C3orf52: variants seen among roughly 807,000 people sequenced by gnomAD.
C3orf52 encodes chromosome 3 open reading frame 52.
Under a neutral mutation model 24.8 loss-of-function variants are expected in C3orf52, and 22 were observed. The observed-to-expected ratio is 0.89, with a 90% CI of 0.63 to 1.27. C3orf52 has a LOEUF of 1.27. Ranked by LOEUF, C3orf52 falls within the 50% of genes most tolerant of loss-of-function variation. C3orf52 has a pLI of 0.00. For missense variants in C3orf52, 265 were observed against 260.7 expected, an observed-to-expected ratio of 1.02 and a Z score of -0.11; for synonymous variants, 93 against 100.2, an observed-to-expected ratio of 0.93 and a Z score of 0.43.
intron 4 of C3orf52, among the ~76,000 whole-genome samples, chr3:112,110,578 C>G (rs1393097510): frequency 6.6e-6 from 1 of 152,150 alleles, no homozygotes; most frequent in Non-Finnish European, 1.5e-5. Flanking sequence ...TAAATTTCCT[C>G]CTCATCTTTA....
chr3:112,127,568 T>A (rs569126199), intron 4 of C3orf52, among the ~76,000 whole-genome samples: 2 of 152,368 alleles, frequency 1.3e-5, no homozygotes, highest in South Asian at 4.1e-4. Flanking sequence ...CTGGTTTGCC[T>A]CAGTCTGGTG....
chr3:112,107,832 T>C (rs1280234378), intron 3 of C3orf52, among the ~76,000 whole-genome samples: 1 of 152,150 alleles, frequency 6.6e-6, no homozygotes, highest in Admixed American at 6.5e-5. Flanking sequence ...TTTTGTTCTC[T>C]TTGAGATATG....
At chr3:112,091,551 C>T (rs763055621) in intron 1 of C3orf52, among the ~76,000 whole-genome samples, 16 of 152,172 alleles carry the variant, frequency 1.1e-4, no homozygotes, top group Non-Finnish European at 2.4e-4. Flanking sequence ...ACAATCTGGT[C>T]CACTAGGTGC....
intron 3 of C3orf52, among the ~76,000 whole-genome samples, chr3:112,103,612 A>G (rs965201207): frequency 6.6e-6 from 1 of 152,160 alleles, no homozygotes; most frequent in Admixed American, 6.5e-5. Context: ...AAGTGACTAA[A>G]AAGATCGTTT....
At chr3:112,093,291 C>T in intron 1 of C3orf52, 69 bp from the exon 2 acceptor site, 1 of 1,543,226 alleles carries the variant, frequency 6.5e-7, no homozygotes, top group Admixed American at 1.8e-5. Flanking sequence ...GTCTCTGGCA[C>T]ATCCTAGGTA....
intron 2 of C3orf52, among the ~76,000 whole-genome samples, chr3:112,095,800 AC>A (rs1485961492): frequency 1.3e-5 from 2 of 151,194 alleles, no homozygotes; most frequent in African/African-American, 4.9e-5. Flanking sequence ...GGGGGGAGAT[AC>A]AGTAGGTTAA....
intron 2 of C3orf52, among the ~76,000 whole-genome samples, chr3:112,101,101 A>C (rs1333588808): frequency 1.3e-5 from 2 of 152,138 alleles, no homozygotes; most frequent in Non-Finnish European, 2.9e-5. Context: ...GACTTATAAC[A>C]ATTAAGGACG....
intron 5 of C3orf52, among the ~76,000 whole-genome samples, chr3:112,116,362 G>A (rs1285095069): frequency 1.3e-5 from 2 of 152,164 alleles, no homozygotes; most frequent in Non-Finnish European, 2.9e-5. Flanking sequence ...ATGTTAAAAT[G>A]TCCTTAGCAC....
At chr3:112,127,225 T>C (rs2074345731) in intron 4 of C3orf52, among the ~76,000 whole-genome samples, 1 of 152,228 alleles carries the variant, frequency 6.6e-6, no homozygotes, top group Non-Finnish European at 1.5e-5. Context: ...TATTCCTTTG[T>C]GCCTCTTTCT....
At chr3:112,125,977 AG>A (rs2074308860) in intron 4 of C3orf52, among the ~76,000 whole-genome samples, 1 of 152,234 alleles carries the variant, frequency 6.6e-6, no homozygotes, top group Non-Finnish European at 1.5e-5. Context: ...CTCACATGAA[AG>A]TCTACAGAGG....
Position 112,117,132 on chromosome 3 carries a change from G to A in C3orf52, c.*486G>A, listed in dbSNP as rs1047978574. ...GCGTAAGCATGAGCTGGTAGAGCAC[G>A]GAGAGGCAGGCAGCCAGGTTACGAA... On this transcript the variant is annotated 3_prime_UTR_variant, in exon 6 of 6. Coordinates refer to ENST00000264848, the MANE Select transcript of C3orf52 (RefSeq NM_024616.3). 8 of 568,512 alleles carry A rather than the reference G, an allele frequency of 1.4e-5. No homozygotes were observed. Among genetic ancestry groups the A allele is most frequent in the African/African-American group, 5.6e-5 (3 of 53,604 alleles). The allele number at this position is 568,512 out of a possible 1,614,324, so 35.2% of individuals were successfully genotyped here.
At chr3:112,134,256 C>T (rs531920240), downstream of C3orf52, 1 of 152,374 alleles carries the variant, frequency 6.6e-6, no homozygotes, top group South Asian at 2.1e-4. Context: ...CAACCTGATT[C>T]TTCCTGGATG....
At chr3:112,115,761 T>A (rs2074128456) in intron 5 of C3orf52, among the ~76,000 whole-genome samples, 1 of 152,190 alleles carries the variant, frequency 6.6e-6, no homozygotes, top group African/African-American at 2.4e-5. Flanking sequence ...TTGTGTGTGT[T>A]TGCTTCTCAT....
At chr3:112,097,827 C>G (rs925018107) in intron 2 of C3orf52, among the ~76,000 whole-genome samples, 3 of 152,234 alleles carry the variant, frequency 2.0e-5, no homozygotes, top group African/African-American at 7.2e-5. Flanking sequence ...TCAGCTTCCT[C>G]TGACCCAGAG....
chr3:112,123,345 G>T, intron 4 of C3orf52: 1 of 1,520,160 alleles, frequency 6.6e-7, no homozygotes, highest in African/African-American at 1.4e-5. Context: ...GGAAAGGGTT[G>T]TTGTGGGAGA....
At chr3:112,123,450 C>T (rs1482523132) in intron 4 of C3orf52, 1 of 1,613,072 alleles carries the variant, frequency 6.2e-7, no homozygotes. Flanking sequence ...AGTCCAGCCA[C>T]TTCACTATAA....
chr3:112,093,594 T>A (rs557563603), intron 2 of C3orf52, 105 bp downstream of exon 2: 3 of 1,124,820 alleles, frequency 2.7e-6, no homozygotes, highest in East Asian at 2.5e-5. Flanking sequence ...TCATTATTTA[T>A]AATGTGAATT....
At chr3:112,106,942 A>G (rs1468201261) in intron 3 of C3orf52, among the ~76,000 whole-genome samples, 2 of 152,200 alleles carry the variant, frequency 1.3e-5, no homozygotes, top group Admixed American at 6.5e-5. Flanking sequence ...ACCAAGCCTC[A>G]TAGACATTGT....
chr3:112,106,043 C>T (rs983043716), intron 3 of C3orf52, among the ~76,000 whole-genome samples: 1 of 152,108 alleles, frequency 6.6e-6, no homozygotes, highest in East Asian at 1.9e-4. Flanking sequence ...ATAGGGCGGA[C>T]ACGTGGGACA....
Sources: gnomAD v4.1 joint callset for allele counts (sites outside exome capture counted in the v4.1 genomes callset) on GRCh38, gnomAD v4.1.1 for gene constraint, MANE v1.5 for transcripts, NCBI Gene and HGNC (gene_info 2026-07-23, HGNC 2026-07-21) for gene names.